Variants in JADE3 observed in about 807,000 individuals in gnomAD.
The protein encoded by JADE3 is protein Jade-3.
In JADE3, 2 loss-of-function variants were observed where a neutral mutation model predicts 50.1. That is an observed-to-expected ratio of 0.04 (90% CI 0.02 to 0.13). The LOEUF (loss-of-function observed/expected upper bound fraction) is 0.13, where lower values mean the gene tolerates loss of function less well. Among genes scored for constraint, JADE3 ranks in the 10% least tolerant of loss-of-function variants. The pLI is 1.00. For synonymous variants in JADE3, 218 were observed against 232.9 expected (o/e 0.94, Z 0.58); for missense variants, 475 against 634.4 (o/e 0.75, Z 2.70).
At chrX:46,932,637 T>C (rs1275258714) in intron 1 of JADE3, among the ~76,000 whole-genome samples, 1 of 111,985 alleles carries the variant, frequency 8.9e-6, no homozygotes, top group Non-Finnish European at 1.9e-5. Context: ...TGACCCATCC[T>C]GTACAGAGTC....
chrX:47,054,829 G>A (rs1409711062), intron 9 of JADE3, among the ~76,000 whole-genome samples: 2 of 111,510 alleles, frequency 1.8e-5, no homozygotes, highest in African/African-American at 3.3e-5. Flanking sequence ...GGGAGGCCTC[G>A]GGTATATGCT....
rs572734511 is a variant in JADE3, at chrX:46,917,834, C to CCTCTCTCT, written c.-12+5129_-12+5136dup. On this transcript the variant is annotated intron_variant, in intron 1 of 10. Coordinates refer to ENST00000614628, the MANE Select transcript of JADE3 (RefSeq NM_014735.5). ...CTCTCTCTCTCTCACTCTCTCTCAT[C>CCTCTCTCT]CTCTCTCTCTCTCTCTCTCTCATCC... is the stretch of plus-strand genomic sequence containing the variant. 5.6e-4 allele frequency among the ~76,000 whole-genome samples: 24 copies of CCTCTCTCT among 42,553 alleles called. 2 individuals are homozygous for CCTCTCTCT. Among genetic ancestry groups the CCTCTCTCT allele is most frequent in the African/African-American group, 1.7e-3 (17 of 10,183 alleles). 37.0% of individuals were successfully genotyped at this position (42,553 alleles called of 115,157 possible).
chrX:47,014,663 A>G (rs1468303730), intron 4 of JADE3, among the ~76,000 whole-genome samples: 7 of 111,818 alleles, frequency 6.3e-5, no homozygotes, highest in Admixed American at 4.8e-4. Context: ...TGAAATCTAC[A>G]TATAGTTTTT....
chrX:46,993,802 T>TAAAAAC (rs1556356619), intron 3 of JADE3, among the ~76,000 whole-genome samples: 3 of 112,189 alleles, frequency 2.7e-5, no homozygotes, highest in Non-Finnish European at 5.6e-5. Context: ...AGAACAGAGT[T>TAAAAAC]TTTAAGGGTT....
At chrX:46,942,576 C>A (rs1276098877) in intron 1 of JADE3, among the ~76,000 whole-genome samples, 2 of 111,691 alleles carry the variant, frequency 1.8e-5, no homozygotes, top group South Asian at 3.7e-4. Context: ...TCTTTTCGTA[C>A]CAGTACCATC....
At chrX:47,056,037 C>T (rs1223104968) in intron 9 of JADE3, 45 bp from the exon 10 acceptor site, 5 of 858,322 alleles carry the variant, frequency 5.8e-6, no homozygotes, top group Non-Finnish European at 8.6e-6. Flanking sequence ...GTCAGGTTTG[C>T]TTAACATGAC....
intron 1 of JADE3, among the ~76,000 whole-genome samples, chrX:46,974,341 G>A (rs1927565547): frequency 9.0e-6 from 1 of 110,901 alleles, no homozygotes; most frequent in South Asian, 3.8e-4. Flanking sequence ...GGAGGCGGAG[G>A]TTGCAGTGAG....
rs1228729450 is a variant in JADE3, at chrX:46,974,361, C to T, written c.-11-10523C>T. ...CGGAGGTTGCAGTGAGCCAAGATCG[C>T]GCCACTGTACTCCAGCTTGGGCGAC... On this transcript the variant is annotated intron_variant, in intron 1 of 10. Coordinates refer to ENST00000614628, the MANE Select transcript of JADE3 (RefSeq NM_014735.5). 1.6e-4 allele frequency among the ~76,000 whole-genome samples: 18 copies of T among 110,551 alleles called. No homozygotes were observed. In the East Asian group the frequency reaches 5.1e-3, roughly 31 times the overall value.
At chrX:47,032,468 A>G (rs782741084) in intron 6 of JADE3, among the ~76,000 whole-genome samples, 6 of 110,860 alleles carry the variant, frequency 5.4e-5, no homozygotes, top group Non-Finnish European at 7.5e-5. Context: ...CCACTGTACA[A>G]TGGTATGAAT....
chrX:46,951,057 CTTTTTT>C (rs11291458), intron 1 of JADE3, among the ~76,000 whole-genome samples: 1 of 108,583 alleles, frequency 9.2e-6, no homozygotes, highest in African/African-American at 3.3e-5. Flanking sequence ...CAGTTTTAAA[CTTTTTT>C]TTATTTTTAT....
intron 1 of JADE3, among the ~76,000 whole-genome samples, chrX:46,938,163 T>C (rs1486369696): frequency 1.8e-5 from 2 of 112,009 alleles, no homozygotes; most frequent in Non-Finnish European, 3.8e-5. Context: ...TTGTAATGTT[T>C]AGACCACTAC....
At chrX:47,052,099 A>G (rs781828391) in intron 8 of JADE3, among the ~76,000 whole-genome samples, 4 of 111,690 alleles carry the variant, frequency 3.6e-5, no homozygotes, top group Admixed American at 9.5e-5. Context: ...GTCTCAATCA[A>G]TCAGTCAGTC....
At chrX:46,992,361 C>T (rs986664124) in intron 3 of JADE3, among the ~76,000 whole-genome samples, 7 of 54,431 alleles carry the variant, frequency 1.3e-4, no homozygotes, top group Non-Finnish European at 2.3e-4. Context: ...AGCTTGCAAG[C>T]GGGTGGGACC....
chrX:47,031,850 G>A (rs1163469944), intron 6 of JADE3, among the ~76,000 whole-genome samples: 1 of 111,077 alleles, frequency 9.0e-6, no homozygotes, highest in African/African-American at 3.3e-5. Context: ...GGGTGACAGA[G>A]CAAGACCCTG....
At position 46,949,191 on chromosome X, in the gene JADE3, G is replaced by T. The variant is rs187270552; in HGVS notation, c.-11-35693G>T. On this transcript the variant is annotated intron_variant, in intron 1 of 10. Transcript: ENST00000614628. ...TGGGCTTAAGTGATCTGCCTGCCTTGGCCTCCCAAAGAGCTGGGATTATAG... is the reference window on the plus strand; with the variant it reads ...TGGGCTTAAGTGATCTGCCTGCCTTTGCCTCCCAAAGAGCTGGGATTATAG... Among the ~76,000 whole-genome samples the T allele has an allele frequency of 1.5e-4, 17 of 110,734 alleles. No individual in the cohort carries two copies. The East Asian group carries it at 4.0e-3, about 26-fold the overall frequency.
Position 47,058,613 on chromosome X carries a change from G to C in JADE3, c.2008G>C (p.Glu670Gln), listed in dbSNP as rs1556374031. The stretch of plus-strand genomic sequence containing the variant: ...CAAGTTTGCCAAATCCAATGGCCTG[G>C]AGGGCAGCTGGTCTGGGAATGTCAC... ...NSKFAKSNGL[E>Q]GSWSGNVTQK... The change falls in exon 11 of 11, where the codon GAG becomes CAG. Residue 670 changes from glutamate to glutamine, a missense_variant. Glu to Gln is a conservative substitution (Grantham distance 29). Around this residue, in one of 6 missense-constraint regions of JADE3, gnomAD observed 243 missense variants for 238.2 expected, o/e 1.02. Coordinates refer to ENST00000614628, the MANE Select transcript of JADE3 (RefSeq NM_014735.5). The C allele has an allele frequency of 8.3e-7, 1 of 1,211,421 alleles. No homozygotes were observed. Among genetic ancestry groups the C allele is most frequent in the Non-Finnish European group, 1.1e-6 (1 of 895,283 alleles).
chrX:46,922,124 A>G lies in JADE3; in HGVS notation c.-12+9405A>G, dbSNP rs377439009. On this transcript the variant is annotated intron_variant, in intron 1 of 10. Coordinates refer to ENST00000614628, the MANE Select transcript of JADE3 (RefSeq NM_014735.5). The stretch of plus-strand genomic sequence containing the variant: ...GTGATGCTCCCCTCCCTGCGTCGAT[A>G]TGTTCCCATTGTTCGACTCTCCCAC... Among the ~76,000 whole-genome samples the G allele has an allele frequency of 5.5e-4, 59 of 107,461 alleles. No individual in the cohort carries two copies. The South Asian group carries it at 0.022, about 40-fold the overall frequency. 93.3% of individuals were successfully genotyped at this position (107,461 alleles called of 115,157 possible).
At chrX:47,000,856 A>T (rs1928266928) in intron 4 of JADE3, among the ~76,000 whole-genome samples, 1 of 112,150 alleles carries the variant, frequency 8.9e-6, no homozygotes, top group South Asian at 3.7e-4. Context: ...CAGCCTAAGA[A>T]CAACAGTAAT....
chrX:46,997,040 CAATT>C (rs1203592634), intron 3 of JADE3, among the ~76,000 whole-genome samples: 2 of 111,871 alleles, frequency 1.8e-5, no homozygotes, highest in African/African-American at 6.5e-5. Context: ...ATCTTGTAAT[CAATT>C]GATATATTTT....
Sources: allele counts gnomAD v4.1 joint callset (sites outside exome capture counted in the v4.1 genomes callset), GRCh38; gene constraint gnomAD v4.1.1; regional missense constraint gnomAD v4.1.1; transcripts MANE v1.5; gene names NCBI Gene and HGNC (gene_info 2026-07-23, HGNC 2026-07-21).